Variants in KSR2 observed in about 807,000 individuals in gnomAD.
KSR2 encodes kinase suppressor of ras 2.
A neutral mutation model predicts 107.8 loss-of-function variants in KSR2; 25 were observed. The ratio of observed to expected loss-of-function variants is 0.23; its 90% CI spans 0.17 to 0.32. KSR2 has a LOEUF of 0.32. Ranked by LOEUF, KSR2 falls within the 10% of genes least tolerant of loss-of-function variation. KSR2 has a pLI of 1.00. For missense variants in KSR2, 887 were observed against 1,268.9 expected, an observed-to-expected ratio of 0.70 and a Z score of 4.57; for synonymous variants, 480 against 507.0, an observed-to-expected ratio of 0.95 and a Z score of 0.71.
At chr12:117,780,733 G>A (rs1382364170) in intron 3 of KSR2, among the ~76,000 whole-genome samples, 1 of 152,126 alleles carries the variant, frequency 6.6e-6, no homozygotes, top group African/African-American at 2.4e-5. Flanking sequence ...AATGTTGGCT[G>A]ATTTTTTAAT....
chr12:117,692,549 CATAT>C (rs60792647), intron 4 of KSR2, among the ~76,000 whole-genome samples: 3 of 124,494 alleles, frequency 2.4e-5, no homozygotes, highest in Admixed American at 1.6e-4. Flanking sequence ...TATACACATA[CATAT>C]ATATATATAT....
chr12:117,662,346 T>G (rs1160200231), intron 5 of KSR2, among the ~76,000 whole-genome samples: 6 of 152,162 alleles, frequency 3.9e-5, no homozygotes, highest in African/African-American at 1.4e-4. Context: ...TAAACCCCAT[T>G]ATATAATCAC....
chr12:117,705,564 T>G (rs1472588381), intron 4 of KSR2, among the ~76,000 whole-genome samples: 2 of 152,216 alleles, frequency 1.3e-5, no homozygotes, highest in Non-Finnish European at 2.9e-5. Flanking sequence ...CAGCCTCAAC[T>G]TGGCCTTGGC....
intron 13 of KSR2, among the ~76,000 whole-genome samples, chr12:117,526,116 C>A (rs986594159): frequency 1.3e-5 from 2 of 152,216 alleles, no homozygotes; most frequent in African/African-American, 4.8e-5. Context: ...CGAGAAAATG[C>A]AGATTCCTGG....
At chr12:117,725,084 T>A (rs587888) in intron 4 of KSR2, among the ~76,000 whole-genome samples, 11,512 of 121,328 alleles carry the variant, frequency 0.095, 465 homozygotes, top group African/African-American at 0.13. Context: ...TCTCTCTCTC[T>A]CACACACACA....
chr12:117,466,834 C>T lies in KSR2; in HGVS notation c.*365G>A. On this transcript the variant is annotated 3_prime_UTR_variant, in exon 20 of 20. Transcript: ENST00000339824. ...AACGTCAAACACACAGACACACACA[C>T]ACATAGCCCCGTCTGTGAGCCCCCC... 1 of 250,006 alleles carries T rather than the reference C, an allele frequency of 4.0e-6. No homozygotes were observed. The highest frequency in any genetic ancestry group is 7.6e-6 in the Non-Finnish European group (1 of 130,860). The allele number at this position is 250,006 out of a possible 1,614,324, so 15.5% of individuals were successfully genotyped here.
intron 4 of KSR2, among the ~76,000 whole-genome samples, chr12:117,710,285 G>A (rs1215877212): frequency 1.1e-4 from 17 of 152,114 alleles, no homozygotes; most frequent in Admixed American, 9.2e-4. Flanking sequence ...GGCCTCGAGG[G>A]CATCTGGATT....
intron 5 of KSR2, among the ~76,000 whole-genome samples, chr12:117,588,933 G>A (rs748970430): frequency 2.1e-4 from 32 of 152,154 alleles, no homozygotes; most frequent in African/African-American, 3.4e-4. Flanking sequence ...CATATTTACC[G>A]TATGTATCTT....
chr12:117,945,125 A>G (rs1216057390), intron 1 of KSR2, among the ~76,000 whole-genome samples: 2 of 152,174 alleles, frequency 1.3e-5, no homozygotes, highest in African/African-American at 4.8e-5. Flanking sequence ...ACAGTAGGAG[A>G]CATCAACACT....
chr12:117,624,830 C>A (rs887638914), intron 5 of KSR2, among the ~76,000 whole-genome samples: 1 of 152,200 alleles, frequency 6.6e-6, no homozygotes, highest in Non-Finnish European at 1.5e-5. Flanking sequence ...TTCTTCCTAT[C>A]CATGAGCATG....
chr12:117,667,576 A>C lies in KSR2; in HGVS notation c.1069T>G (p.Ser357Ala), dbSNP rs2136485012. Residue 357 changes from serine to alanine, a missense_variant, in exon 5 of 20, where the codon TCC (serine) becomes GCC (alanine). By Grantham distance (99) the Ser-to-Ala change is moderately conservative. This residue lies in a region of KSR2 where 399 missense variants were observed against 479.5 expected (regional missense o/e 0.83). Transcript: ENST00000339824. Reference sequence around the variant, plus strand: ...AGGGAGCGCTCGGACAGCAGCGGGGAGCGCTGCTGAGAGGGGATGTTCTCG... The same window carrying C: ...AGGGAGCGCTCGGACAGCAGCGGGGCGCGCTGCTGAGAGGGGATGTTCTCG... ...SCENIPSQQR[S>A]PLLSERSLRS... The C allele has an allele frequency of 6.2e-7, 1 of 1,613,002 alleles. No individual in the cohort carries two copies. The highest frequency in any genetic ancestry group is 1.7e-5 in the Admixed American group (1 of 59,978).
At chr12:117,700,283 A>G (rs1886250056) in intron 4 of KSR2, among the ~76,000 whole-genome samples, 1 of 152,150 alleles carries the variant, frequency 6.6e-6, no homozygotes, top group South Asian at 2.1e-4. Context: ...ACCCAAGGCT[A>G]TACAGCTACA....
chr12:117,544,827 T>C (rs554470825), intron 9 of KSR2, among the ~76,000 whole-genome samples: 4 of 152,344 alleles, frequency 2.6e-5, no homozygotes, highest in African/African-American at 9.6e-5. Flanking sequence ...CTTGTTTCCT[T>C]TTCTTGCCTT....
intron 5 of KSR2, among the ~76,000 whole-genome samples, chr12:117,656,963 G>GAAATAT (rs1555225273): frequency 1.1e-5 from 1 of 88,834 alleles, no homozygotes; most frequent in East Asian, 4.1e-4. Flanking sequence ...TATATAATAG[G>GAAATAT]ATATATATAT....
At chr12:117,883,593 C>T (rs1445625589) in intron 1 of KSR2, among the ~76,000 whole-genome samples, 4 of 152,176 alleles carry the variant, frequency 2.6e-5, no homozygotes, top group Non-Finnish European at 5.9e-5. Context: ...ATCAGGCAGC[C>T]AGGCACAGAA....
At chr12:117,786,461 T>G (rs1323905082) in intron 3 of KSR2, among the ~76,000 whole-genome samples, 1 of 152,158 alleles carries the variant, frequency 6.6e-6, no homozygotes, top group Non-Finnish European at 1.5e-5. Context: ...ATAGTTCTTT[T>G]TTCTCATCCT....
chr12:117,644,483 G>A (rs1384798052), intron 5 of KSR2, among the ~76,000 whole-genome samples: 1 of 152,094 alleles, frequency 6.6e-6, no homozygotes, highest in Non-Finnish European at 1.5e-5. Flanking sequence ...AATCACCCAG[G>A]GAACTTTAAA....
intron 5 of KSR2, among the ~76,000 whole-genome samples, chr12:117,606,085 G>A (rs1352500326): frequency 2.0e-5 from 3 of 152,100 alleles, no homozygotes; most frequent in South Asian, 4.1e-4. Context: ...GAAATGCTGT[G>A]ATTAGATGCT....
chr12:117,947,009 A>T (rs1197015072), intron 1 of KSR2, among the ~76,000 whole-genome samples: 3 of 147,522 alleles, frequency 2.0e-5, no homozygotes, highest in Admixed American at 7.0e-5. Context: ...TACTAAAAAT[A>T]CAAAAAAAAA....
Sources: allele counts gnomAD v4.1 joint callset (sites outside exome capture counted in the v4.1 genomes callset), GRCh38; gene constraint gnomAD v4.1.1; regional missense constraint gnomAD v4.1.1; transcripts MANE v1.5; gene names NCBI Gene and HGNC (gene_info 2026-07-23, HGNC 2026-07-21).